The following HHAT variants were observed in gnomAD, a reference collection of about 807,000 sequenced individuals.
HHAT encodes the protein hedgehog acyltransferase, also known as protein-cysteine N-palmitoyltransferase HHAT.
In HHAT, 47 loss-of-function variants were observed where a neutral mutation model predicts 70.8. That is an observed-to-expected ratio of 0.66 (90% CI 0.53 to 0.85). The LOEUF is 0.85. Ranked by LOEUF, HHAT falls within the 40% of genes least tolerant of loss-of-function variation. The probability of loss-of-function intolerance (pLI) is 0.00; values close to 1 mark genes in which losing one functional copy is unlikely to be tolerated. For missense variants in HHAT, 609 were observed against 604.8 expected, an observed-to-expected ratio of 1.01 and a Z score of -0.07; for synonymous variants, 228 against 247.6, an observed-to-expected ratio of 0.92 and a Z score of 0.74.
chr1:210,398,475 G>C (rs2091909237), intron 4 of HHAT, among the ~76,000 whole-genome samples: 1 of 152,132 alleles, frequency 6.6e-6, no homozygotes, highest in Non-Finnish European at 1.5e-5. Flanking sequence ...AGGTGGCTTT[G>C]GAGACCACTG....
chr1:210,456,865 G>C (rs12069541), intron 7 of HHAT, among the ~76,000 whole-genome samples: 1 of 152,074 alleles, frequency 6.6e-6, no homozygotes, highest in Admixed American at 6.5e-5. Context: ...CAAGCTTCAC[G>C]TGAGGTGTCC....
intron 9 of HHAT, among the ~76,000 whole-genome samples, chr1:210,561,035 TGTG>T (rs1053531212): frequency 2.0e-5 from 3 of 152,056 alleles, no homozygotes; most frequent in Admixed American, 6.6e-5. Flanking sequence ...AAGAGGAAGA[TGTG>T]GTGAAAATGG....
intron 7 of HHAT, among the ~76,000 whole-genome samples, chr1:210,421,671 C>T (rs190662392): frequency 2.6e-5 from 4 of 152,280 alleles, no homozygotes; most frequent in African/African-American, 9.6e-5. Flanking sequence ...TCTTGAACTC[C>T]TGACCTCAAG....
chr1:210,565,005 A>AGT (rs1654320192), intron 9 of HHAT, among the ~76,000 whole-genome samples: 1 of 152,194 alleles, frequency 6.6e-6, no homozygotes, highest in Admixed American at 6.5e-5. Flanking sequence ...GAAAGACTGG[A>AGT]GTGCATCTTT....
chr1:210,464,618 T>C lies in HHAT; in HGVS notation c.970T>C (p.Cys324Arg). The C allele has an allele frequency of 6.2e-7, 1 of 1,614,142 alleles. No individual in the cohort carries two copies. The highest frequency in any genetic ancestry group is 1.1e-5 in the South Asian group (1 of 91,088). Residue 324 changes from cysteine to arginine, a missense_variant, in exon 8 of 12, where the codon TGC becomes CGC. Coordinates refer to ENST00000261458, the MANE Select transcript of HHAT (RefSeq NM_018194.6). ...DGLTPPALPR[C>R]VSTMFSFTGM... ...ACTCACTCCACCCGCCCTCCCCCGCTGCGTGAGCACCATGTTCAGTTTCAC... is the reference window on the plus strand; with the variant it reads ...ACTCACTCCACCCGCCCTCCCCCGCCGCGTGAGCACCATGTTCAGTTTCAC...
chr1:210,335,436 C>T (rs771011661), intron 1 of HHAT, among the ~76,000 whole-genome samples: 33 of 151,990 alleles, frequency 2.2e-4, no homozygotes, highest in Non-Finnish European at 3.7e-4. Context: ...ATCAAAATCC[C>T]GGCAAATTTT....
chr1:210,427,597 A>C (rs2093104002), intron 7 of HHAT, among the ~76,000 whole-genome samples: 1 of 152,146 alleles, frequency 6.6e-6, no homozygotes, highest in African/African-American at 2.4e-5. Flanking sequence ...TTCAATTTCC[A>C]TGTAATTATA....
chr1:210,547,740 C>G (rs2095495996), intron 9 of HHAT, among the ~76,000 whole-genome samples: 1 of 152,144 alleles, frequency 6.6e-6, no homozygotes, highest in Non-Finnish European at 1.5e-5. Context: ...TTCCGAGTTT[C>G]CCTCCGCATA....
At chr1:210,349,995 C>T (rs1464298534) in intron 2 of HHAT, among the ~76,000 whole-genome samples, 1 of 152,118 alleles carries the variant, frequency 6.6e-6, no homozygotes, top group Admixed American at 6.6e-5. Context: ...TTTAAAACTA[C>T]TTTTAAAAAA....
intron 8 of HHAT, among the ~76,000 whole-genome samples, chr1:210,507,168 CA>C (rs1299508088): frequency 3.3e-5 from 5 of 152,056 alleles, no homozygotes; most frequent in African/African-American, 1.2e-4. Flanking sequence ...AATAAAGACA[CA>C]AGCCTTTATA....
Position 210,629,463 on chromosome 1 carries a change from C to T in HHAT, c.1390+5793C>T, listed in dbSNP as rs111415374. Among the ~76,000 whole-genome samples the T allele has an allele frequency of 7.0e-3, 1,066 of 152,344 alleles. 15 individuals are homozygous for T. The highest frequency in any genetic ancestry group is 0.024 in the African/African-American group (1,006 of 41,570). On this transcript the variant is annotated intron_variant, in intron 11 of 11. Coordinates refer to ENST00000261458, the MANE Select transcript of HHAT (RefSeq NM_018194.6). The stretch of plus-strand genomic sequence containing the variant: ...TAATCAGAGTTTCCAGGGCACTGAA[C>T]GCTGACCACTTGCTGTGTTGCCACA...
intron 2 of HHAT, among the ~76,000 whole-genome samples, chr1:210,356,828 G>A (rs2087682139): frequency 6.6e-6 from 1 of 152,240 alleles, no homozygotes; most frequent in Non-Finnish European, 1.5e-5. Context: ...ACCCAGTCCA[G>A]GGTGGGAAAA....
upstream of HHAT, chr1:210,328,292 T>A (rs992668868): frequency 6.6e-6 from 1 of 152,176 alleles, no homozygotes; most frequent in East Asian, 1.9e-4. Context: ...AGCAACATCG[T>A]CCCAATTATA....
At chr1:210,495,463 C>T (rs774421490) in intron 8 of HHAT, among the ~76,000 whole-genome samples, 1 of 151,882 alleles carries the variant, frequency 6.6e-6, no homozygotes, top group Non-Finnish European at 1.5e-5. Flanking sequence ...TTTGACTCAT[C>T]GGGAAAGTAG....
intron 1 of HHAT, 86 bp from the exon 2 acceptor site, chr1:210,348,847 C>T (rs995801860): frequency 1.0e-5 from 14 of 1,339,906 alleles, no homozygotes; most frequent in Admixed American, 7.6e-5. Context: ...GATGGGTCTC[C>T]GGGAGTGTGA....
chr1:210,557,829 C>G (rs2095586432), intron 9 of HHAT, among the ~76,000 whole-genome samples: 1 of 152,146 alleles, frequency 6.6e-6, no homozygotes, highest in African/African-American at 2.4e-5. Context: ...GGTGGGAACA[C>G]AGCCAAACCC....
At chr1:210,571,473 T>A (rs1573414066) in intron 9 of HHAT, among the ~76,000 whole-genome samples, 1 of 152,224 alleles carries the variant, frequency 6.6e-6, no homozygotes, top group East Asian at 1.9e-4. Flanking sequence ...CATCTTTCAT[T>A]TGGACCCAGC....
chr1:210,331,820 G>A (rs1313011692), intron 1 of HHAT, among the ~76,000 whole-genome samples: 1 of 115,416 alleles, frequency 8.7e-6, no homozygotes, highest in African/African-American at 4.1e-5. Context: ...GACAGATGGA[G>A]TTCATTGAGG....
At chr1:210,347,596 G>A (rs1311418718) in intron 1 of HHAT, among the ~76,000 whole-genome samples, 2 of 151,168 alleles carry the variant, frequency 1.3e-5, no homozygotes, top group Non-Finnish European at 2.9e-5. Context: ...CTGAATTTTA[G>A]GACCTAACTT....
Sources: gnomAD v4.1 joint callset for allele counts (sites outside exome capture counted in the v4.1 genomes callset) on GRCh38, gnomAD v4.1.1 for gene constraint, MANE v1.5 for transcripts, NCBI Gene and HGNC (gene_info 2026-07-23, HGNC 2026-07-21) for gene names.